ZNF385B: variants seen among roughly 807,000 people sequenced by gnomAD.
The protein encoded by ZNF385B is zinc finger protein 533.
ZNF385B carries 23 observed loss-of-function variants against 39.2 expected under a neutral mutation model. The ratio of observed to expected loss-of-function variants is 0.59; its 90% CI spans 0.42 to 0.83. The LOEUF (loss-of-function observed/expected upper bound fraction) is 0.83. Ranked by LOEUF, ZNF385B falls within the 40% of genes least tolerant of loss-of-function variation. The pLI is 0.00. For synonymous variants in ZNF385B, 205 were observed against 222.6 expected (o/e 0.92, Z 0.70); for missense variants, 552 against 598.9 (o/e 0.92, Z 0.82).
chr2:179,578,122 T>A (rs1172588123), intron 3 of ZNF385B, among the ~76,000 whole-genome samples: 2 of 152,138 alleles, frequency 1.3e-5, no homozygotes, highest in Admixed American at 6.6e-5. Flanking sequence ...CTTTGGATAA[T>A]GTTTATATTT....
chr2:179,670,714 A>G (rs1404479773), intron 3 of ZNF385B, among the ~76,000 whole-genome samples: 1 of 152,236 alleles, frequency 6.6e-6, no homozygotes, highest in Non-Finnish European at 1.5e-5. Flanking sequence ...ACAATATTTA[A>G]TTAAATAATT....
chr2:179,714,409 T>C (rs1256280923), intron 3 of ZNF385B, among the ~76,000 whole-genome samples: 1 of 152,100 alleles, frequency 6.6e-6, no homozygotes, highest in Non-Finnish European at 1.5e-5. Context: ...GTGGTAGAGC[T>C]AGGATTTACA....
intron 3 of ZNF385B, among the ~76,000 whole-genome samples, chr2:179,615,321 C>A (rs1558984160): frequency 6.6e-6 from 1 of 152,166 alleles, no homozygotes; most frequent in African/African-American, 2.4e-5. Context: ...TGGAAGTATT[C>A]TCTATTATAT....
chr2:179,636,720 A>G (rs891667358), intron 3 of ZNF385B, among the ~76,000 whole-genome samples: 7 of 152,134 alleles, frequency 4.6e-5, no homozygotes, highest in African/African-American at 1.7e-4. Context: ...ATGGTTAATC[A>G]AAGCATTTTG....
At chr2:179,680,438 T>C (rs1318493194) in intron 3 of ZNF385B, among the ~76,000 whole-genome samples, 1 of 152,128 alleles carries the variant, frequency 6.6e-6, no homozygotes, top group Non-Finnish European at 1.5e-5. Flanking sequence ...CCCTACATTA[T>C]AAAGTTAGAA....
At chr2:179,844,714 A>G (rs1022652554) in intron 1 of ZNF385B, among the ~76,000 whole-genome samples, 2 of 152,204 alleles carry the variant, frequency 1.3e-5, no homozygotes, top group African/African-American at 4.8e-5. Context: ...TAAATAATCA[A>G]TATGACTCTC....
intron 3 of ZNF385B, among the ~76,000 whole-genome samples, chr2:179,630,179 G>A (rs1266243907): frequency 6.6e-6 from 1 of 152,256 alleles, no homozygotes; most frequent in Admixed American, 6.5e-5. Flanking sequence ...CAAGCATGGC[G>A]TTTGAGCTCT....
chr2:179,611,813 T>G (rs1178069501), intron 3 of ZNF385B, among the ~76,000 whole-genome samples: 1 of 152,234 alleles, frequency 6.6e-6, no homozygotes, highest in East Asian at 1.9e-4. Flanking sequence ...TTTATCAGCA[T>G]ATAGTTGCTG....
intron 3 of ZNF385B, among the ~76,000 whole-genome samples, chr2:179,604,260 G>A (rs1434418284): frequency 6.6e-6 from 1 of 151,974 alleles, no homozygotes; most frequent in Non-Finnish European, 1.5e-5. Context: ...TTTAAAAGCT[G>A]ACTGGAAAAA....
At chr2:179,852,003 C>T (rs2169484) in intron 1 of ZNF385B, among the ~76,000 whole-genome samples, 7,911 of 152,218 alleles carry the variant, frequency 0.052, 292 homozygotes, top group Non-Finnish European at 0.075. Flanking sequence ...GTTAAATTCT[C>T]GACAAATTTA....
At chr2:179,591,439 A>G (rs982979081) in intron 3 of ZNF385B, among the ~76,000 whole-genome samples, 1 of 152,192 alleles carries the variant, frequency 6.6e-6, no homozygotes, top group Admixed American at 6.5e-5. Flanking sequence ...GCAGTATTAC[A>G]GAACCCAGTG....
intron 3 of ZNF385B, among the ~76,000 whole-genome samples, chr2:179,587,089 C>A (rs1308988987): frequency 6.6e-6 from 1 of 150,980 alleles, no homozygotes; most frequent in African/African-American, 2.4e-5. Context: ...TATTCACCTT[C>A]CTCCCTACTC....
At chr2:179,573,128 T>C (rs566566746) in intron 3 of ZNF385B, among the ~76,000 whole-genome samples, 2 of 152,350 alleles carry the variant, frequency 1.3e-5, no homozygotes, top group Admixed American at 1.3e-4. Context: ...TAAATGTTGA[T>C]ACTTTAAAGT....
At chr2:179,505,953 C>T (rs911694446) in intron 5 of ZNF385B, among the ~76,000 whole-genome samples, 3 of 152,036 alleles carry the variant, frequency 2.0e-5, no homozygotes, top group Admixed American at 2.0e-4. Flanking sequence ...TAAATGATTG[C>T]TGTGATTGCA....
intron 9 of ZNF385B, among the ~76,000 whole-genome samples, chr2:179,443,956 A>G (rs997263764): frequency 9.2e-5 from 14 of 152,220 alleles, no homozygotes; most frequent in African/African-American, 3.4e-4. Flanking sequence ...CAGTCAGTTC[A>G]CACCTCTCTC....
intron 6 of ZNF385B, among the ~76,000 whole-genome samples, chr2:179,466,392 T>TG (rs949180189): frequency 6.6e-6 from 1 of 151,808 alleles, no homozygotes; most frequent in African/African-American, 2.4e-5. Flanking sequence ...GAAGCACATG[T>TG]GAAAAAAAAA....
In ZNF385B at chr2:179,745,674, C is replaced by T. The variant is rs1324360242; in HGVS notation, c.298+23829G>A. 2.6e-6 allele frequency: 4 copies of T among 1,515,520 alleles called. No individual in the cohort carries two copies. In the Admixed American group the frequency reaches 8.4e-5, roughly 32 times the overall value. The allele number at this position is 1,515,520 out of a possible 1,614,324, so 93.9% of individuals were successfully genotyped here. On this transcript the variant is annotated intron_variant, in intron 3 of 9. Transcript: ENST00000410066. ...ACAAAAGAATCTGTTACTGACATCC[C>T]AGACCCCAGCATCCAAGTTTTAGAA...
At chr2:179,770,291 C>G (rs1174439288) in intron 2 of ZNF385B, among the ~76,000 whole-genome samples, 1 of 152,168 alleles carries the variant, frequency 6.6e-6, no homozygotes, top group Non-Finnish European at 1.5e-5. Flanking sequence ...GGACAGTCAC[C>G]TCGTCTCTGG....
chr2:179,774,370 G>T (rs55924451), intron 1 of ZNF385B, among the ~76,000 whole-genome samples: 70,857 of 150,756 alleles, frequency 0.47, 16,865 homozygotes, highest in East Asian at 0.6. Flanking sequence ...TCTTTTTTTT[G>T]TTTGTTTTAA....
Sources: gnomAD v4.1 joint callset for allele counts (sites outside exome capture counted in the v4.1 genomes callset) on GRCh38, gnomAD v4.1.1 for gene constraint, MANE v1.5 for transcripts, NCBI Gene and HGNC (gene_info 2026-07-23, HGNC 2026-07-21) for gene names.